FRK: variants seen among roughly 807,000 people sequenced by gnomAD.
FRK encodes fyn related Src family tyrosine kinase, also known as tyrosine-protein kinase FRK.
In FRK, 51 loss-of-function variants were observed where a neutral mutation model predicts 56.4. That is an observed-to-expected ratio of 0.90 (90% CI 0.72 to 1.14). FRK has a LOEUF of 1.14. Among genes scored for constraint, FRK ranks in the 50% most tolerant of loss-of-function variants. The pLI, the probability that FRK is intolerant of heterozygous loss-of-function variation, is 0.00. For synonymous variants in FRK, 245 were observed against 217.9 expected, an observed-to-expected ratio of 1.12 and a Z score of -1.10; for missense variants, 570 against 601.4, an observed-to-expected ratio of 0.95 and a Z score of 0.55.
At chr6:116,039,380 C>T in intron 1 of FRK, 2 of 1,535,696 alleles carry the variant, frequency 1.3e-6, no homozygotes, top group Non-Finnish European at 1.8e-6. Context: ...TATGGAGGCT[C>T]TGTGATGGGG....
chr6:116,033,557 A>T (rs994940445), intron 1 of FRK, among the ~76,000 whole-genome samples: 1 of 152,110 alleles, frequency 6.6e-6, no homozygotes, highest in Non-Finnish European at 1.5e-5. Context: ...ATCATTTTTC[A>T]ACTAGGTGTC....
chr6:115,992,695 G>C (rs1487469688), intron 2 of FRK, among the ~76,000 whole-genome samples: 1 of 151,738 alleles, frequency 6.6e-6, no homozygotes, highest in Admixed American at 6.6e-5. Flanking sequence ...TTTAGAAGAT[G>C]GGAAGTGCAA....
the FRK span, among the ~76,000 whole-genome samples, chr6:116,080,433 C>T: frequency 2.6e-5 from 4 of 152,152 alleles, no homozygotes; most frequent in Non-Finnish European, 4.4e-5. Context: ...GGATTACAGG[C>T]GTGAGCCATT....
the FRK span, among the ~76,000 whole-genome samples, chr6:116,066,505 G>A: frequency 6.6e-6 from 1 of 151,988 alleles, no homozygotes; most frequent in African/African-American, 2.4e-5. Context: ...GACTAATACA[G>A]CAACTTATTC....
At chr6:115,969,868 T>G (rs187533002) in intron 2 of FRK, among the ~76,000 whole-genome samples, 2 of 152,298 alleles carry the variant, frequency 1.3e-5, no homozygotes, top group African/African-American at 4.8e-5. Flanking sequence ...AATTACCTTT[T>G]TGGTTAAACT....
At chr6:116,053,708 T>C (rs963951203) in intron 1 of FRK, among the ~76,000 whole-genome samples, 2 of 152,138 alleles carry the variant, frequency 1.3e-5, no homozygotes, top group African/African-American at 4.8e-5. Flanking sequence ...TTTTTCCCAT[T>C]GTTAGTAATT....
intron 2 of FRK, among the ~76,000 whole-genome samples, chr6:115,977,472 G>A (rs1238135315): frequency 6.6e-6 from 1 of 152,128 alleles, no homozygotes; most frequent in Non-Finnish European, 1.5e-5. Flanking sequence ...GCAGACATTG[G>A]TCAGTAAGTT....
rs936479362 is a variant in FRK at position 115,940,947 on chromosome 6, C to T, written c.*1467G>A. 3 of 152,200 alleles carry T rather than the reference C, an allele frequency of 2.0e-5. No individual in the cohort carries two copies. Among genetic ancestry groups the T allele is most frequent in the African/African-American group, 7.2e-5 (3 of 41,444 alleles). 9.4% of individuals were successfully genotyped at this position (152,200 alleles called of 1,614,324 possible). A position where few individuals can be genotyped will look rare whatever the true frequency, so the allele number is the denominator to read the frequency against. ...ATTGTGGAGGACAGTGTAGCAATTC[C>T]TCAAGGATCTAGAACTAGAAATACC... On this transcript the variant is annotated 3_prime_UTR_variant, in exon 8 of 8. Transcript: ENST00000606080.
intron 1 of FRK, among the ~76,000 whole-genome samples, chr6:116,024,974 G>A (rs1339056157): frequency 6.6e-6 from 1 of 152,130 alleles, no homozygotes; most frequent in Non-Finnish European, 1.5e-5. Context: ...GGTGTGAGAT[G>A]ATATCTCATT....
At chr6:115,996,448 G>A (rs1383965134) in intron 2 of FRK, among the ~76,000 whole-genome samples, 2 of 152,262 alleles carry the variant, frequency 1.3e-5, no homozygotes, top group Non-Finnish European at 2.9e-5. Flanking sequence ...CAGAGACATA[G>A]AGGGTCATAC....
chr6:116,092,582 A>G, the FRK span, among the ~76,000 whole-genome samples: 2 of 152,138 alleles, frequency 1.3e-5, no homozygotes, highest in Non-Finnish European at 2.9e-5. Flanking sequence ...ACTAAATCCG[A>G]CCTTCCTCGG....
At chr6:115,992,570 T>C (rs1185167336) in intron 2 of FRK, among the ~76,000 whole-genome samples, 2 of 151,764 alleles carry the variant, frequency 1.3e-5, no homozygotes, top group Non-Finnish European at 3.0e-5. Context: ...AACAGTACCA[T>C]TCTTATTAAA....
chr6:115,960,154 G>A (rs1171757049), intron 4 of FRK, among the ~76,000 whole-genome samples: 1 of 151,560 alleles, frequency 6.6e-6, no homozygotes, highest in Non-Finnish European at 1.5e-5. Flanking sequence ...TCACTAGGGA[G>A]TGCCAGACAG....
chr6:115,971,860 C>G (rs1773817580), intron 2 of FRK, among the ~76,000 whole-genome samples: 1 of 152,260 alleles, frequency 6.6e-6, no homozygotes, highest in Admixed American at 6.5e-5. Context: ...TATAGCTGCT[C>G]CTCCACTTTT....
At chr6:115,962,267 T>C (rs1773403786) in intron 4 of FRK, among the ~76,000 whole-genome samples, 1 of 145,770 alleles carries the variant, frequency 6.9e-6, no homozygotes, top group Non-Finnish European at 1.5e-5. Context: ...TAAAACAGAC[T>C]TTAAACCAAC....
At chr6:115,973,422 A>G (rs1773880587) in intron 2 of FRK, among the ~76,000 whole-genome samples, 1 of 152,160 alleles carries the variant, frequency 6.6e-6, no homozygotes, top group South Asian at 2.1e-4. Context: ...ATGTGGGATT[A>G]AGGGTGGGAT....
the FRK span, among the ~76,000 whole-genome samples, chr6:116,097,135 T>TA: frequency 4.6e-5 from 7 of 151,322 alleles, no homozygotes; most frequent in South Asian, 6.2e-4. Flanking sequence ...TTAAGATTAC[T>TA]AAAAAAAAAT....
Position 115,938,572 on chromosome 6 carries a change from T to G in FRK, c.*3842A>C, listed in dbSNP as rs1417646315. 1 of 151,972 alleles carries G rather than the reference T, an allele frequency of 6.6e-6. No individual in the cohort carries two copies. The allele number at this position is 151,972 out of a possible 1,614,324, so 9.4% of individuals were successfully genotyped here. Reference sequence around the variant, plus strand: ...TGAAAAGATCAACAAAATAGAATGCTAGCCAGACTAATAAAGAAGAAAAGA... The same window carrying G: ...TGAAAAGATCAACAAAATAGAATGCGAGCCAGACTAATAAAGAAGAAAAGA... On this transcript the variant is annotated 3_prime_UTR_variant, in exon 8 of 8. Coordinates refer to ENST00000606080, the MANE Select transcript of FRK (RefSeq NM_002031.3).
chr6:115,942,898 T>C, intron 7 of FRK, 122 bp downstream of exon 7: 1 of 940,104 alleles, frequency 1.1e-6, no homozygotes, highest in Non-Finnish European at 1.6e-6. Flanking sequence ...TCTATCAAGC[T>C]CCCGCAGGTA....
Sources: allele counts gnomAD v4.1 joint callset (sites outside exome capture counted in the v4.1 genomes callset), GRCh38; gene constraint gnomAD v4.1.1; transcripts MANE v1.5; gene names NCBI Gene and HGNC (gene_info 2026-07-23, HGNC 2026-07-21).